SEMA3E: variants seen among roughly 807,000 people sequenced by gnomAD.
SEMA3E encodes semaphorin 3E, also known as semaphorin-3E.
A neutral mutation model predicts 93.6 loss-of-function variants in SEMA3E; 49 were observed. That is an observed-to-expected ratio of 0.52 (90% CI 0.42 to 0.66). SEMA3E has a LOEUF of 0.66. SEMA3E is among the 30% of genes least tolerant of loss of function. The pLI is 0.00. For synonymous variants in SEMA3E, 363 were observed against 330.7 expected (o/e 1.10, Z -1.06); for missense variants, 906 against 964.8 (o/e 0.94, Z 0.81).
intron 2 of SEMA3E, among the ~76,000 whole-genome samples, chr7:83,476,394 A>G (rs1311225513): frequency 1.3e-5 from 2 of 152,200 alleles, no homozygotes; most frequent in Non-Finnish European, 2.9e-5. Flanking sequence ...GGAAAGGTAG[A>G]TGGATGTTTA....
intron 4 of SEMA3E, among the ~76,000 whole-genome samples, chr7:83,454,230 C>A (rs1789427803): frequency 8.5e-6 from 1 of 118,170 alleles, no homozygotes; most frequent in African/African-American, 3.3e-5. Flanking sequence ...TGCACTCCAG[C>A]GTGGGCGACA....
intron 1 of SEMA3E, among the ~76,000 whole-genome samples, chr7:83,553,144 C>T (rs947933468): frequency 6.6e-5 from 10 of 152,166 alleles, no homozygotes; most frequent in East Asian, 1.9e-4. Flanking sequence ...TCACCCCTGG[C>T]GGCCCATCGG....
intron 16 of SEMA3E, chr7:83,371,956 C>A: frequency 4.0e-6 from 1 of 250,400 alleles, no homozygotes; most frequent in Middle Eastern, 1.2e-3. Flanking sequence ...ATTTATATTT[C>A]TTTTCAAATT....
At chr7:83,431,552 T>C (rs181659938) in intron 4 of SEMA3E, among the ~76,000 whole-genome samples, 5 of 152,242 alleles carry the variant, frequency 3.3e-5, no homozygotes, top group Admixed American at 2.6e-4. Flanking sequence ...TACAGGCACA[T>C]GCCACCATGC....
Position 83,443,435 on chromosome 7 carries a change from T to C in SEMA3E, c.456+23047A>G, listed in dbSNP as rs752992036. On this transcript the variant is annotated intron_variant, in intron 4 of 16. Transcript: ENST00000643230. ...AAGAATTATAGCAAGACAGACTAGA[T>C]ACTGCCTCCCCTGATGTATTCAACC... is the stretch of plus-strand genomic sequence containing the variant. Among the ~76,000 whole-genome samples, 92 of 152,342 alleles carry C rather than the reference T, an allele frequency of 6.0e-4. 1 individual carries two copies. Among genetic ancestry groups the C allele is most frequent in the Non-Finnish European group, 1.1e-3 (72 of 68,026 alleles).
chr7:83,502,627 A>T (rs1790617806), intron 1 of SEMA3E, among the ~76,000 whole-genome samples: 1 of 152,166 alleles, frequency 6.6e-6, no homozygotes. Flanking sequence ...AAGAAATCTA[A>T]AGATTCCAAC....
At chr7:83,562,790 T>C (rs76588579) in intron 1 of SEMA3E, among the ~76,000 whole-genome samples, 1 of 152,022 alleles carries the variant, frequency 6.6e-6, no homozygotes, top group African/African-American at 2.4e-5. Context: ...AGAAGAATCA[T>C]ATCCAATCTA....
intron 4 of SEMA3E, among the ~76,000 whole-genome samples, chr7:83,445,445 C>T (rs912468677): frequency 2.0e-5 from 3 of 152,142 alleles, no homozygotes; most frequent in South Asian, 2.1e-4. Flanking sequence ...GGGCCGGGCA[C>T]GGTGGCTCAC....
chr7:83,390,087 A>C (rs575607080), intron 14 of SEMA3E, among the ~76,000 whole-genome samples: 1 of 120,004 alleles, frequency 8.3e-6, no homozygotes, highest in Non-Finnish European at 1.8e-5. Flanking sequence ...ACGTGTGCAC[A>C]TATATGCGCG....
intron 1 of SEMA3E, among the ~76,000 whole-genome samples, chr7:83,553,477 TCATC>T (rs550162089): frequency 3.8e-4 from 58 of 152,192 alleles, no homozygotes; most frequent in Non-Finnish European, 7.2e-4. Context: ...ATTTGCACAC[TCATC>T]CATCTGGTTT....
chr7:83,623,991 T>C (rs980151427), intron 1 of SEMA3E, among the ~76,000 whole-genome samples: 1 of 151,930 alleles, frequency 6.6e-6, no homozygotes, highest in Non-Finnish European at 1.5e-5. Context: ...TTTCTGTTCC[T>C]GTGTTAGTTT....
intron 14 of SEMA3E, among the ~76,000 whole-genome samples, chr7:83,387,866 C>T (rs1166555676): frequency 3.5e-5 from 5 of 141,578 alleles, no homozygotes; most frequent in African/African-American, 1.3e-4. Context: ...ATATATATAA[C>T]ATTATATATA....
At chr7:83,511,287 T>G (rs1368963128) in intron 1 of SEMA3E, among the ~76,000 whole-genome samples, 2 of 133,532 alleles carry the variant, frequency 1.5e-5, no homozygotes, top group Non-Finnish European at 3.1e-5. Context: ...TTAAATATGT[T>G]TTTTTTTTTT....
chr7:83,629,953 G>A (rs2115668235), intron 1 of SEMA3E, among the ~76,000 whole-genome samples: 1 of 152,294 alleles, frequency 6.6e-6, no homozygotes, highest in African/African-American at 2.4e-5. Context: ...TCTGTGGGTT[G>A]CAAAGACTGT....
intron 5 of SEMA3E, among the ~76,000 whole-genome samples, chr7:83,410,445 A>C (rs937697149): frequency 6.6e-6 from 1 of 152,078 alleles, no homozygotes; most frequent in Admixed American, 6.6e-5. Flanking sequence ...GACTATTTAA[A>C]TCTGGACTTA....
At chr7:83,498,778 C>A (rs1284747677) in intron 1 of SEMA3E, among the ~76,000 whole-genome samples, 1 of 152,020 alleles carries the variant, frequency 6.6e-6, no homozygotes, top group Non-Finnish European at 1.5e-5. Context: ...TGTGCCCAGC[C>A]TTTTATAAGA....
At position 83,385,432 on chromosome 7, in the gene SEMA3E, C is replaced by T. The variant is rs1348632647; in HGVS notation, c.1737G>A (p.Gly579=). Residue 579 remains glycine (G), a splice_region_variant and synonymous_variant, in exon 16 of 17, where the codon GGG becomes GGA. Transcript: ENST00000643230. The part of the protein sequence containing the change: ...AQQCFGQQFV[G]DALDKTEEHL... The stretch of plus-strand genomic sequence containing the variant: ...GTTCTTCAGTCTTATCCAAAGCATC[C>T]CCTACAACAGGAACATTAATGCCAT... The T allele has an allele frequency of 1.9e-6, 3 of 1,613,048 alleles. No homozygotes were observed. In the South Asian group the frequency reaches 3.3e-5, roughly 18 times the overall value.
chr7:83,367,817 C>A lies in SEMA3E; in HGVS notation c.2097G>T (p.Gln699His). ...DRHHRMPCPA[Q>H]SSISQGAKPW... ...GTTTTGCTCCCTGCGAGATGCTACT[C>A]TGAGCAGGACAAGGCATCCTGTGAT... Residue 699 changes from glutamine to histidine, a missense_variant, in exon 17 of 17, where the codon CAG becomes CAT. Coordinates refer to ENST00000643230, the MANE Select transcript of SEMA3E (RefSeq NM_012431.3). 6.2e-7 allele frequency: 1 copy of A among 1,614,118 alleles called. No individual in the cohort carries two copies. Among genetic ancestry groups the A allele is most frequent in the Non-Finnish European group, 8.5e-7 (1 of 1,180,000 alleles).
intron 9 of SEMA3E, among the ~76,000 whole-genome samples, chr7:83,404,852 G>A (rs1788297449): frequency 6.6e-6 from 1 of 151,876 alleles, no homozygotes; most frequent in African/African-American, 2.4e-5. Flanking sequence ...GGTAAGTATT[G>A]GAGAACTGAT....
Sources: allele counts gnomAD v4.1 joint callset (sites outside exome capture counted in the v4.1 genomes callset), GRCh38; gene constraint gnomAD v4.1.1; transcripts MANE v1.5; gene names NCBI Gene and HGNC (gene_info 2026-07-23, HGNC 2026-07-21).